NHSL1: variants seen among roughly 807,000 people sequenced by gnomAD.
NHSL1 encodes NHS-like protein 1.
NHSL1 carries 48 observed loss-of-function variants against 95.0 expected under a neutral mutation model. The ratio of observed to expected loss-of-function variants is 0.51; its 90% CI spans 0.40 to 0.64. NHSL1 has a LOEUF of 0.64. Ranked by LOEUF, NHSL1 falls within the 30% of genes least tolerant of loss-of-function variation. NHSL1 has a pLI of 0.00. For synonymous variants in NHSL1, 783 were observed against 833.9 expected (o/e 0.94, Z 1.05); for missense variants, 1,971 against 2,077.7 (o/e 0.95, Z 1.00).
intron 1 of NHSL1, among the ~76,000 whole-genome samples, chr6:138,507,090 C>T (rs914769826): frequency 1.3e-5 from 2 of 152,112 alleles, no homozygotes; most frequent in Non-Finnish European, 2.9e-5. Context: ...GTTTTAACTC[C>T]CTACTGAAGA....
In NHSL1 at chr6:138,424,848, A is replaced by G; in HGVS notation, c.4086-32T>C. On this transcript the variant is annotated intron_variant, in intron 7 of 7. Transcript: ENST00000343505. The surrounding 1 kb of genome is among the most constrained non-coding windows in gnomAD (Gnocchi z 5.9). ...TTTAATAACATTAAGAAAAAGGTTAATTCCCACGGGACCACAGGCTGTCAG... is the reference window on the plus strand; with the variant it reads ...TTTAATAACATTAAGAAAAAGGTTAGTTCCCACGGGACCACAGGCTGTCAG... 1 of 1,526,568 alleles carries G rather than the reference A, an allele frequency of 6.6e-7. No individual in the cohort carries two copies. The highest frequency in any genetic ancestry group is 8.8e-7 in the Non-Finnish European group (1 of 1,131,032). 94.6% of individuals were successfully genotyped at this position (1,526,568 alleles called of 1,614,324 possible). A position where few individuals can be genotyped will look rare whatever the true frequency, so the allele number is the denominator to read the frequency against.
At chr6:138,460,727 A>C (rs1327403310) in intron 3 of NHSL1, among the ~76,000 whole-genome samples, 2 of 151,864 alleles carry the variant, frequency 1.3e-5, no homozygotes, top group East Asian at 3.9e-4. Flanking sequence ...ATTCCTAATC[A>C]TAAAATTCTC....
At position 138,424,145 on chromosome 6, in the gene NHSL1, G is replaced by C; in HGVS notation, c.4757C>G (p.Thr1586Arg). 6.9e-7 allele frequency: 1 copy of C among 1,441,402 alleles called. No homozygotes were observed. Among genetic ancestry groups the C allele is most frequent in the Non-Finnish European group, 9.1e-7 (1 of 1,100,220 alleles). 89.3% of individuals were successfully genotyped at this position (1,441,402 alleles called of 1,614,324 possible). A position where few individuals can be genotyped will look rare whatever the true frequency, so the allele number is the denominator to read the frequency against. The part of the protein sequence containing the change: ...QPQAPGPVDG[T>R]ASAEGREPSP... Reference sequence around the variant, plus strand: ...GGGCTCTCTGCCCTCTGCACTGGCTGTCCCATCCACAGGGCCGGGGGCCTG... The same window carrying C: ...GGGCTCTCTGCCCTCTGCACTGGCTCTCCCATCCACAGGGCCGGGGGCCTG... Residue 1586 changes from threonine to arginine, a missense_variant, in exon 8 of 8, where the codon ACA (threonine) becomes AGA (arginine). Transcript: ENST00000343505. The surrounding 1 kb of genome is among the most constrained non-coding windows in gnomAD (Gnocchi z 5.9).
chr6:138,658,232 C>G (rs553478785), intron 1 of NHSL1, among the ~76,000 whole-genome samples: 74 of 152,246 alleles, frequency 4.9e-4, no homozygotes, highest in African/African-American at 1.7e-3. Flanking sequence ...TGAGATGATT[C>G]TCTTAACAAA....
chr6:138,670,962 A>G (rs1785360509), intron 1 of NHSL1, among the ~76,000 whole-genome samples: 1 of 152,014 alleles, frequency 6.6e-6, no homozygotes, highest in Non-Finnish European at 1.5e-5. Context: ...CAAGACGAGC[A>G]ACACAGTGAG....
rs1776915246 is a variant in NHSL1 at position 138,447,135 on chromosome 6, G to A, written c.398C>T (p.Pro133Leu). 6.4e-7 allele frequency: 1 copy of A among 1,551,578 alleles called. No individual in the cohort carries two copies. The highest frequency in any genetic ancestry group is 1.4e-5 in the African/African-American group (1 of 73,032). The change falls in exon 4 of 8, where the codon CCA becomes CTA. Residue 133 changes from proline (P) to leucine (L), a missense_variant. Transcript: ENST00000343505. ...RFISIRRPKT[P>L]ASSDFSDLNT... ...AAGGTCGGAGAAGTCACTTGAGGCT[G>A]GTGTTTTAGGTCTCCTGATGGAAAT... is the stretch of plus-strand genomic sequence containing the variant.
At chr6:138,629,446 G>A (rs1399858187) in intron 1 of NHSL1, among the ~76,000 whole-genome samples, 7 of 150,946 alleles carry the variant, frequency 4.6e-5, no homozygotes, top group African/African-American at 7.3e-5. Context: ...GCAGTGTCGC[G>A]ATCTCGGCTC....
chr6:138,560,847 C>T (rs1224047885), intron 1 of NHSL1, among the ~76,000 whole-genome samples: 1 of 152,128 alleles, frequency 6.6e-6, no homozygotes, highest in Non-Finnish European at 1.5e-5. Context: ...TTAGCTGAGG[C>T]GTTTCTAGTT....
At chr6:138,609,203 G>A (rs1784474658) in intron 1 of NHSL1, among the ~76,000 whole-genome samples, 1 of 152,172 alleles carries the variant, frequency 6.6e-6, no homozygotes, top group Non-Finnish European at 1.5e-5. Context: ...AGGCCTCCAA[G>A]GGTGGGCAGA....
chr6:138,498,346 G>C (rs910659894), intron 1 of NHSL1, among the ~76,000 whole-genome samples: 4 of 152,128 alleles, frequency 2.6e-5, no homozygotes, highest in African/African-American at 7.2e-5. Flanking sequence ...CTATGAAAAA[G>C]TCTCTTCCCC....
chr6:138,433,205 C>G lies in NHSL1; in HGVS notation c.1140G>C (p.Leu380Phe), dbSNP rs1775834146. The G allele has an allele frequency of 6.4e-7, 1 of 1,551,084 alleles. No homozygotes were observed. The highest frequency in any genetic ancestry group is 1.4e-5 in the African/African-American group (1 of 72,986). ...GTCTCAACTCCTGGGATTTGGGTCT[C>G]AAAAGTGTTCCAGTCCCTGAGGCAC... ...LGGASGTGTLLRPKSQELRHF... is the reference protein window; with the variant it reads ...LGGASGTGTLFRPKSQELRHF... Residue 380 changes from leucine (L) to phenylalanine (F), a missense_variant, in exon 6 of 8, where the codon TTG (leucine) becomes TTC (phenylalanine). By Grantham distance (22) the Leu-to-Phe change is conservative. This residue lies in a region of NHSL1 where 1,602 missense variants were observed against 1,654.5 expected (regional missense o/e 0.97). Coordinates refer to ENST00000343505, the MANE Select transcript of NHSL1 (RefSeq NM_001144060.2).
chr6:138,539,192 C>T (rs544802288), intron 1 of NHSL1, among the ~76,000 whole-genome samples: 26 of 152,294 alleles, frequency 1.7e-4, no homozygotes, highest in South Asian at 1.7e-3. Flanking sequence ...TTGCTACATA[C>T]GATTTTATAA....
At chr6:138,561,269 T>C (rs1403581103) in intron 1 of NHSL1, among the ~76,000 whole-genome samples, 1 of 152,150 alleles carries the variant, frequency 6.6e-6, no homozygotes. Flanking sequence ...CACAATTACT[T>C]AGGGGATGGG....
chr6:138,669,316 T>G (rs571755082), intron 1 of NHSL1, among the ~76,000 whole-genome samples: 1 of 152,136 alleles, frequency 6.6e-6, no homozygotes, highest in Admixed American at 6.5e-5. Flanking sequence ...AAAAAAATTT[T>G]CATAAAGTGG....
At chr6:138,665,452 T>C (rs1268333602) in intron 1 of NHSL1, among the ~76,000 whole-genome samples, 1 of 152,214 alleles carries the variant, frequency 6.6e-6, no homozygotes, top group Admixed American at 6.5e-5. Context: ...CTCATCTTCA[T>C]AGAGGCCACC....
chr6:138,546,938 A>C (rs1359559870), upstream of NHSL1, among the ~76,000 whole-genome samples: 1 of 152,222 alleles, frequency 6.6e-6, no homozygotes, highest in Non-Finnish European at 1.5e-5. Context: ...CTGCTTGAAA[A>C]GTACCATCTG....
At chr6:138,456,146 G>C (rs1777598571) in intron 3 of NHSL1, among the ~76,000 whole-genome samples, 1 of 152,114 alleles carries the variant, frequency 6.6e-6, no homozygotes, top group Non-Finnish European at 1.5e-5. Flanking sequence ...AGAGTGAAAG[G>C]GGGTGCAATT....
At chr6:138,425,129 C>T (rs534336554) in intron 7 of NHSL1, among the ~76,000 whole-genome samples, 3 of 152,250 alleles carry the variant, frequency 2.0e-5, no homozygotes, top group South Asian at 2.1e-4. Context: ...CTCACTCTGT[C>T]GCTCAGGCTG....
chr6:138,494,805 A>G (rs989237109), intron 2 of NHSL1, among the ~76,000 whole-genome samples: 3 of 152,214 alleles, frequency 2.0e-5, no homozygotes, highest in African/African-American at 7.2e-5. Context: ...TAGGAGCAGC[A>G]TCTGGTAGAA....
Sources: gnomAD v4.1 joint callset for allele counts (sites outside exome capture counted in the v4.1 genomes callset) on GRCh38, gnomAD v4.1.1 for gene constraint, gnomAD v4.1.1 regional missense constraint, Gnocchi (gnomAD v3.1) non-coding constraint, MANE v1.5 for transcripts, NCBI Gene and HGNC (gene_info 2026-07-23, HGNC 2026-07-21) for gene names.